The following SGSM1 variants were observed in gnomAD, a reference collection of about 807,000 sequenced individuals.
SGSM1 encodes RUN and TBC1 domain containing 2.
Under a neutral mutation model 133.8 loss-of-function variants are expected in SGSM1, and 73 were observed. The ratio of observed to expected loss-of-function variants is 0.55; its 90% CI spans 0.45 to 0.66. The LOEUF is 0.66. Among genes scored for constraint, SGSM1 ranks in the 30% least tolerant of loss-of-function variants. The pLI is 0.00. For synonymous variants in SGSM1, 563 were observed against 573.0 expected, an observed-to-expected ratio of 0.98 and a Z score of 0.25; for missense variants, 1,213 against 1,448.1, an observed-to-expected ratio of 0.84 and a Z score of 2.64.
At chr22:24,816,361 T>C (rs1928073768) in intron 2 of SGSM1, among the ~76,000 whole-genome samples, 1 of 151,428 alleles carries the variant, frequency 6.6e-6, no homozygotes, top group South Asian at 2.1e-4. Flanking sequence ...AGAATGATAA[T>C]AAACATAAAC....
chr22:24,917,109 T>C (rs1338640166), intron 22 of SGSM1, among the ~76,000 whole-genome samples: 1 of 150,482 alleles, frequency 6.6e-6, no homozygotes, highest in Non-Finnish European at 1.5e-5. Context: ...CCCAGGCTGG[T>C]CTCAAACTCC....
intron 5 of SGSM1, among the ~76,000 whole-genome samples, chr22:24,850,709 C>T (rs887390566): frequency 6.6e-6 from 1 of 152,206 alleles, no homozygotes; most frequent in African/African-American, 2.4e-5. Context: ...CGCTTAGCCT[C>T]TCTGTGCCCG....
At chr22:24,825,677 G>A (rs898163471) in intron 2 of SGSM1, among the ~76,000 whole-genome samples, 1 of 152,164 alleles carries the variant, frequency 6.6e-6, no homozygotes, top group African/African-American at 2.4e-5. Flanking sequence ...TGATCCACCC[G>A]CCTCAGCCTC....
chr22:24,838,325 T>G (rs2147821897), intron 2 of SGSM1, among the ~76,000 whole-genome samples: 1 of 152,306 alleles, frequency 6.6e-6, no homozygotes, highest in South Asian at 2.1e-4. Flanking sequence ...AGAAGGGAGC[T>G]CAGTCTCAAA....
intron 8 of SGSM1, 150 bp downstream of exon 8, chr22:24,855,830 C>A: frequency 8.6e-7 from 1 of 1,159,524 alleles, no homozygotes; most frequent in Non-Finnish European, 1.3e-6. Context: ...CTCATTCATC[C>A]ATCCATCTAT....
chr22:24,921,703 C>CT (rs76823932), intron 24 of SGSM1, among the ~76,000 whole-genome samples: 183 of 145,568 alleles, frequency 1.3e-3, no homozygotes, highest in Middle Eastern at 7.2e-3. Flanking sequence ...ACATATGTAT[C>CT]TTTTTTTTTT....
intron 18 of SGSM1, among the ~76,000 whole-genome samples, chr22:24,897,645 T>C (rs1932953209): frequency 6.6e-6 from 1 of 152,014 alleles, no homozygotes; most frequent in Non-Finnish European, 1.5e-5. Context: ...TTTTTTGTAT[T>C]TTTTGCAGAG....
At chr22:24,880,333 C>T (rs1288622434) in intron 14 of SGSM1, among the ~76,000 whole-genome samples, 4 of 152,086 alleles carry the variant, frequency 2.6e-5, no homozygotes, top group African/African-American at 9.7e-5. Flanking sequence ...CGGGTTTCAC[C>T]ATGTTGGCCA....
intron 14 of SGSM1, among the ~76,000 whole-genome samples, chr22:24,880,414 A>G (rs1932259657): frequency 6.6e-6 from 1 of 152,158 alleles, no homozygotes; most frequent in Non-Finnish European, 1.5e-5. Flanking sequence ...GATTACAGGC[A>G]TGAGCCACCA....
intron 2 of SGSM1, chr22:24,844,262 G>A (rs6004316): frequency 0.17 from 26,283 of 152,250 alleles, 3,459 homozygotes; most frequent in African/African-American, 0.36. Flanking sequence ...TAGACTGGGC[G>A]CGGCGGCTCA....
intron 19 of SGSM1, chr22:24,901,295 C>G (rs1331470194): frequency 6.6e-6 from 1 of 152,040 alleles, no homozygotes; most frequent in East Asian, 1.9e-4. Context: ...CCTTAGGGCC[C>G]TACCTTCCTG....
At chr22:24,917,453 C>G (rs1933859699) in intron 22 of SGSM1, among the ~76,000 whole-genome samples, 1 of 152,180 alleles carries the variant, frequency 6.6e-6, no homozygotes, top group South Asian at 2.1e-4. Flanking sequence ...ATTAAGGATG[C>G]TGAGCATCTT....
At chr22:24,921,970 G>T (rs1934024951) in intron 24 of SGSM1, among the ~76,000 whole-genome samples, 1 of 151,634 alleles carries the variant, frequency 6.6e-6, no homozygotes, top group South Asian at 2.1e-4. Flanking sequence ...CAAAGTACTG[G>T]GATTACAGGT....
At chr22:24,871,410 T>C (rs1158730529) in intron 12 of SGSM1, among the ~76,000 whole-genome samples, 2 of 152,172 alleles carry the variant, frequency 1.3e-5, no homozygotes, top group Admixed American at 1.3e-4. Context: ...CTAAAACACC[T>C]GGTGACCTGA....
chr22:24,816,822 G>A (rs940257987), intron 2 of SGSM1, among the ~76,000 whole-genome samples: 6 of 152,176 alleles, frequency 3.9e-5, no homozygotes, highest in African/African-American at 1.4e-4. Context: ...TCTCTGTGGG[G>A]AGGTAGAGTG....
intron 21 of SGSM1, among the ~76,000 whole-genome samples, chr22:24,908,809 A>C (rs1286819784): frequency 2.0e-5 from 3 of 151,800 alleles, no homozygotes; most frequent in Admixed American, 2.0e-4. Context: ...CTCAAAAAAA[A>C]AAAAAGAAAG....
chr22:24,886,860 C>T (rs1173299034), intron 16 of SGSM1, 132 bp downstream of exon 16: 35 of 1,198,554 alleles, frequency 2.9e-5, no homozygotes, highest in South Asian at 5.6e-5. Context: ...AACCTGAAGG[C>T]GGCGCTGTCC....
intron 2 of SGSM1, among the ~76,000 whole-genome samples, chr22:24,819,843 T>C (rs924350803): frequency 3.3e-5 from 5 of 152,154 alleles, no homozygotes; most frequent in African/African-American, 1.2e-4. Flanking sequence ...GATGTACCTG[T>C]GTGTGTTTTA....
Position 24,819,712 on chromosome 22 carries a change from C to G in SGSM1, c.63+13228C>G, listed in dbSNP as rs550367345. Among the ~76,000 whole-genome samples, 21 of 152,326 alleles carry G rather than the reference C, an allele frequency of 1.4e-4. No individual in the cohort carries two copies. In the South Asian group the frequency reaches 4.3e-3, roughly 32 times the overall value. On this transcript the variant is annotated intron_variant, in intron 2 of 24. Transcript: ENST00000400358. ...AAGTGAAGTGACTTGCCCAAGGTCA[C>G]ACAGCTGGTAAGAGATGGAGACAGG...
Sources: gnomAD v4.1 joint callset for allele counts (sites outside exome capture counted in the v4.1 genomes callset) on GRCh38, gnomAD v4.1.1 for gene constraint, MANE v1.5 for transcripts, NCBI Gene and HGNC (gene_info 2026-07-23, HGNC 2026-07-21) for gene names.